ST3GAL1: variants seen among roughly 807,000 people sequenced by gnomAD.
The protein encoded by ST3GAL1 is CMP-N-acetylneuraminate-beta-galactosamide-alpha-2,3-sialyltransferase 1.
In ST3GAL1, 16 loss-of-function variants were observed where a neutral mutation model predicts 34.1. The ratio of observed to expected loss-of-function variants is 0.47; its 90% CI spans 0.32 to 0.71. The LOEUF (loss-of-function observed/expected upper bound fraction) is 0.71. ST3GAL1 is among the 30% of genes least tolerant of loss of function. The pLI is 0.04. For missense variants in ST3GAL1, 353 were observed against 447.4 expected, an observed-to-expected ratio of 0.79 and a Z score of 1.90; for synonymous variants, 191 against 184.7, an observed-to-expected ratio of 1.03 and a Z score of -0.28.
intron 1 of ST3GAL1, among the ~76,000 whole-genome samples, 200 bp from the exon 2 acceptor site, chr8:133,546,126 G>A (rs1468934927): frequency 1.3e-5 from 2 of 152,192 alleles, no homozygotes; most frequent in African/African-American, 4.8e-5. Context: ...AGGAAGGTGA[G>A]TAACTCACAA....
chr8:133,486,681 T>C (rs949693324), intron 3 of ST3GAL1, among the ~76,000 whole-genome samples: 14 of 152,130 alleles, frequency 9.2e-5, no homozygotes, highest in African/African-American at 3.1e-4. Context: ...CTTATGTCGA[T>C]TAAAAAAATC....
Position 133,461,870 on chromosome 8 carries a change from C to G in ST3GAL1, c.849+5G>C. ...AGCCCTGTGGGCAGGGGGAGGGTGG[C>G]ATACCTCATCGCAGACATGCATTGA... On this transcript the variant is annotated splice_donor_5th_base_variant and intron_variant, in intron 9 of 9. Coordinates refer to ENST00000522652, the MANE Select transcript of ST3GAL1 (RefSeq NM_173344.3). The surrounding 1 kb of genome is among the most constrained non-coding windows in gnomAD (Gnocchi z 4.7). The G allele has an allele frequency of 6.2e-7, 1 of 1,613,972 alleles. No homozygotes were observed. The highest frequency in any genetic ancestry group is 8.5e-7 in the Non-Finnish European group (1 of 1,179,906).
Position 133,461,763 on chromosome 8 carries a change from C to T in ST3GAL1, c.849+112G>A. 3.4e-6 allele frequency: 5 copies of T among 1,481,438 alleles called. No individual in the cohort carries two copies. Among genetic ancestry groups the T allele is most frequent in the African/African-American group, 1.4e-5 (1 of 72,048 alleles). 91.8% of individuals were successfully genotyped at this position (1,481,438 alleles called of 1,614,324 possible). ...CTGTCGTAGAGACAGGGAATCCGAG[C>T]TTCCGGAAGAGGCAGGCTAGGTCTA... On this transcript the variant is annotated intron_variant, in intron 9 of 9. Coordinates refer to ENST00000522652, the MANE Select transcript of ST3GAL1 (RefSeq NM_173344.3). The surrounding 1 kb of genome is among the most constrained non-coding windows in gnomAD (Gnocchi z 4.7).
At chr8:133,516,176 G>GT (rs904963726) in intron 2 of ST3GAL1, 2 of 152,150 alleles carry the variant, frequency 1.3e-5, no homozygotes, top group African/African-American at 4.8e-5. Context: ...TTTAATGGGG[G>GT]TAAGTCTACT....
At chr8:133,547,632 T>C (rs984754295) in intron 1 of ST3GAL1, among the ~76,000 whole-genome samples, 2 of 152,150 alleles carry the variant, frequency 1.3e-5, no homozygotes, top group African/African-American at 4.8e-5. Flanking sequence ...GATGTGTGGA[T>C]GGGCCAGCAC....
chr8:133,500,943 C>T (rs1817130851), intron 2 of ST3GAL1, among the ~76,000 whole-genome samples: 1 of 152,170 alleles, frequency 6.6e-6, no homozygotes, highest in Admixed American at 6.5e-5. Context: ...TAGCAGTGAG[C>T]TGGGAGGGCA....
chr8:133,540,854 G>GACATATATATAGAT (rs1818463642), intron 2 of ST3GAL1, among the ~76,000 whole-genome samples: 1 of 117,202 alleles, frequency 8.5e-6, no homozygotes. Flanking sequence ...TATATATAGA[G>GACATATATATAGAT]ACATATATAT....
At chr8:133,479,317 T>G (rs1816295286) in intron 3 of ST3GAL1, among the ~76,000 whole-genome samples, 2 of 145,798 alleles carry the variant, frequency 1.4e-5, no homozygotes, top group African/African-American at 2.6e-5. Flanking sequence ...TCAGACACAG[T>G]GTGGAGGAGA....
rs1357578317 is a variant in ST3GAL1, at chr8:133,483,397, C to T, written c.-373-6797G>A. Among the ~76,000 whole-genome samples the T allele has an allele frequency of 1.3e-5, 2 of 152,124 alleles. 1 individual carries two copies. Among genetic ancestry groups the T allele is most frequent in the South Asian group, 4.1e-4 (2 of 4,828 alleles). ...GAAGCGTTGCTGTGGGATAAATGGC[C>T]TTGCACAAAAGTGAACAGCTCAGTT... On this transcript the variant is annotated intron_variant, in intron 3 of 9. Transcript: ENST00000522652.
chr8:133,506,582 C>T (rs183741145), intron 2 of ST3GAL1, among the ~76,000 whole-genome samples: 13 of 150,108 alleles, frequency 8.7e-5, no homozygotes, highest in Admixed American at 4.6e-4. Flanking sequence ...GTCAGGAGTT[C>T]GAGACCAGCC....
In ST3GAL1 at chr8:133,570,426, A is replaced by G. The variant is rs538191332; in HGVS notation, c.-582+1267T>C. On this transcript the variant is annotated intron_variant, in intron 1 of 9. Coordinates refer to ENST00000522652, the MANE Select transcript of ST3GAL1 (RefSeq NM_173344.3). This position sits in a 1 kb window ranked among gnomAD's most constrained non-coding sequence, Gnocchi z 5.6. ...AGACGCAGTGACCTGCCCAACCCCC[A>G]CCCCCTTGCGCGCTTCTGGGTGCGC... 2.7e-5 allele frequency: 4 copies of G among 149,786 alleles called. No individual in the cohort carries two copies. Among genetic ancestry groups the G allele is most frequent in the Non-Finnish European group, 5.9e-5 (4 of 67,504 alleles). 9.3% of individuals were successfully genotyped at this position (149,786 alleles called of 1,614,324 possible). A position where few individuals can be genotyped will look rare whatever the true frequency, so the allele number is the denominator to read the frequency against.
intron 2 of ST3GAL1, among the ~76,000 whole-genome samples, chr8:133,527,006 AG>A (rs1276248818): frequency 4.6e-5 from 7 of 152,314 alleles, no homozygotes; most frequent in African/African-American, 1.7e-4. Flanking sequence ...AGGGTCAGAG[AG>A]GTGAGGAGAC....
chr8:133,520,773 GTT>G (rs34241731), intron 2 of ST3GAL1, among the ~76,000 whole-genome samples: 22,035 of 130,764 alleles, frequency 0.17, 1,502 homozygotes, highest in East Asian at 0.27. Flanking sequence ...TTTTTTGTGG[GTT>G]TTTTTTTTTT....
At chr8:133,515,849 G>T (rs1817630254) in intron 2 of ST3GAL1, 1 of 152,052 alleles carries the variant, frequency 6.6e-6, no homozygotes. Flanking sequence ...CTTTTATTAT[G>T]TCTATTTTTT....
chr8:133,570,927 T>A lies in ST3GAL1; in HGVS notation c.-582+766A>T, dbSNP rs1819549994. The stretch of plus-strand genomic sequence containing the variant: ...TGGGAGCTGCGACGCCTCACGGGGT[T>A]GGGGCGGATTCAGAGTTTCGAGTTG... On this transcript the variant is annotated intron_variant, in intron 1 of 9. Coordinates refer to ENST00000522652, the MANE Select transcript of ST3GAL1 (RefSeq NM_173344.3). This position sits in a 1 kb window ranked among gnomAD's most constrained non-coding sequence, Gnocchi z 5.6. 6.6e-6 allele frequency among the ~76,000 whole-genome samples: 1 copy of A among 152,186 alleles called. No individual in the cohort carries two copies.
At chr8:133,558,095 T>C (rs1563742542) in intron 1 of ST3GAL1, among the ~76,000 whole-genome samples, 1 of 152,150 alleles carries the variant, frequency 6.6e-6, no homozygotes, top group Non-Finnish European at 1.5e-5. Flanking sequence ...AAGCGCTCTC[T>C]GGTTGGAAGC....
chr8:133,482,146 A>G (rs1483061816), intron 3 of ST3GAL1, among the ~76,000 whole-genome samples: 3 of 151,900 alleles, frequency 2.0e-5, no homozygotes, highest in Non-Finnish European at 4.4e-5. Flanking sequence ...GTTTCTCCCA[A>G]CTTATTTCCT....
At chr8:133,566,827 C>G (rs1220750012) in intron 1 of ST3GAL1, among the ~76,000 whole-genome samples, 1 of 152,198 alleles carries the variant, frequency 6.6e-6, no homozygotes, top group African/African-American at 2.4e-5. Flanking sequence ...CTTGGAGGCT[C>G]TCATGGTGTA....
At chr8:133,497,226 C>A (rs1272805641) in intron 3 of ST3GAL1, among the ~76,000 whole-genome samples, 2 of 152,202 alleles carry the variant, frequency 1.3e-5, no homozygotes, top group East Asian at 3.9e-4. Context: ...GTTTTTGAAT[C>A]CGGATTCCTG....
Sources: allele counts gnomAD v4.1 joint callset (sites outside exome capture counted in the v4.1 genomes callset), GRCh38; gene constraint gnomAD v4.1.1; non-coding constraint Gnocchi (gnomAD v3.1); transcripts MANE v1.5; gene names NCBI Gene and HGNC (gene_info 2026-07-23, HGNC 2026-07-21).